Variants in POC1B observed in about 807,000 individuals in gnomAD.
POC1B encodes the protein POC1 centriolar protein homolog B.
In POC1B, 44 loss-of-function variants were observed where a neutral mutation model predicts 60.6. The observed-to-expected ratio is 0.73, with a 90% CI of 0.57 to 0.93. The LOEUF is 0.93. Ranked by LOEUF, POC1B falls within the 40% of genes least tolerant of loss-of-function variation. The pLI is 0.00. For synonymous variants in POC1B, 180 were observed against 198.9 expected (o/e 0.90, Z 0.80); for missense variants, 555 against 572.3 (o/e 0.97, Z 0.31).
At chr12:89,440,718 C>T (rs950971994) in intron 10 of POC1B, among the ~76,000 whole-genome samples, 3 of 152,182 alleles carry the variant, frequency 2.0e-5, no homozygotes, top group African/African-American at 7.2e-5. Flanking sequence ...ACGCAGAAGA[C>T]GGGTGACTTC....
At chr12:89,500,590 A>G (rs1869507760) in intron 2 of POC1B, 7 of 1,603,858 alleles carry the variant, frequency 4.4e-6, no homozygotes, top group Non-Finnish European at 6.0e-6. Context: ...TGGATGCAAA[A>G]ACATCTGTAT....
chr12:89,517,614 C>T (rs10777183), intron 2 of POC1B, among the ~76,000 whole-genome samples: 114,338 of 151,558 alleles, frequency 0.75, 43,205 homozygotes, highest in Middle Eastern at 0.82. Flanking sequence ...GCCTGGGCAA[C>T]AGAGTGAGAC....
intron 10 of POC1B, among the ~76,000 whole-genome samples, chr12:89,444,719 C>G (rs889922593): frequency 6.6e-6 from 1 of 152,186 alleles, no homozygotes; most frequent in African/African-American, 2.4e-5. Flanking sequence ...CCTCTCTCAC[C>G]ACTCCAATTG....
At chr12:89,503,796 C>T (rs1305642556) in intron 2 of POC1B, among the ~76,000 whole-genome samples, 2 of 121,896 alleles carry the variant, frequency 1.6e-5, no homozygotes, top group Admixed American at 7.8e-5. Context: ...GGAGCCCCTC[C>T]GCCCGGCAGC....
At chr12:89,506,134 CG>C (rs983520847) in intron 2 of POC1B, among the ~76,000 whole-genome samples, 1 of 152,214 alleles carries the variant, frequency 6.6e-6, no homozygotes, top group African/African-American at 2.4e-5. Context: ...GGATATACCC[CG>C]CCTGGAGCCC....
intron 10 of POC1B, among the ~76,000 whole-genome samples, chr12:89,446,424 T>A (rs1565900048): frequency 6.6e-6 from 1 of 152,174 alleles, no homozygotes; most frequent in South Asian, 2.1e-4. Flanking sequence ...TATGCAGCCA[T>A]AAAAAGGATG....
intron 2 of POC1B, among the ~76,000 whole-genome samples, chr12:89,506,436 T>C (rs1407883940): frequency 6.6e-6 from 1 of 152,086 alleles, no homozygotes; most frequent in Non-Finnish European, 1.5e-5. Context: ...GTAAACTAGA[T>C]GGGATCACTG....
At chr12:89,506,549 T>C (rs1483044597) in intron 2 of POC1B, among the ~76,000 whole-genome samples, 2 of 152,082 alleles carry the variant, frequency 1.3e-5, no homozygotes, top group South Asian at 2.1e-4. Flanking sequence ...AACAAGGACA[T>C]TGTGGTGTCC....
chr12:89,497,927 A>C (rs1249612954), intron 2 of POC1B, among the ~76,000 whole-genome samples: 2 of 152,158 alleles, frequency 1.3e-5, no homozygotes, highest in Admixed American at 6.6e-5. Flanking sequence ...ACGTAAACCC[A>C]CACACACAAA....
At chr12:89,404,357 C>T in the POC1B span, among the ~76,000 whole-genome samples, 1 of 152,170 alleles carries the variant, frequency 6.6e-6, no homozygotes, top group East Asian at 1.9e-4. Flanking sequence ...TATGAGGAAA[C>T]CCAGCACAAG....
In POC1B at chr12:89,470,417, G is replaced by A. The variant is rs761831640; in HGVS notation, c.754C>T (p.Leu252Phe). The A allele has an allele frequency of 5.6e-6, 9 of 1,605,688 alleles. No individual in the cohort carries two copies. Among genetic ancestry groups the A allele is most frequent in the East Asian group, 2.2e-5 (1 of 44,812 alleles). The part of the protein sequence containing the change: ...YLITASSDGT[L>F]KILDLLEGRL... ...CCTTCTAAGAGGTCCAGAATCTTAA[G>A]GGTACCATCTGAAGAAGCTGTGATG... Residue 252 changes from leucine (L) to phenylalanine (F), a missense_variant, in exon 7 of 12, where the codon CTT becomes TTT. Physicochemically the swap from Leu to Phe is conservative, Grantham distance 22. Coordinates refer to ENST00000313546, the MANE Select transcript of POC1B (RefSeq NM_172240.3).
intron 11 of POC1B, among the ~76,000 whole-genome samples, 162 bp from the exon 12 acceptor site, chr12:89,421,419 C>T (rs1193477349): frequency 6.6e-6 from 1 of 151,884 alleles, no homozygotes; most frequent in East Asian, 1.9e-4. Flanking sequence ...CTTCTGGGCC[C>T]AACCATAGGG....
intron 4 of POC1B, among the ~76,000 whole-genome samples, chr12:89,482,660 A>G (rs115506617): frequency 1.1e-4 from 17 of 152,320 alleles, no homozygotes; most frequent in African/African-American, 3.8e-4. Flanking sequence ...ATAGAATGAC[A>G]TCTTAGTCCA....
chr12:89,492,128 A>T lies in POC1B; in HGVS notation c.273-13T>A. The T allele has an allele frequency of 1.3e-6, 2 of 1,522,788 alleles. No individual in the cohort carries two copies. Among genetic ancestry groups the T allele is most frequent in the Non-Finnish European group, 1.8e-6 (2 of 1,134,604 alleles). 94.3% of individuals were successfully genotyped at this position (1,522,788 alleles called of 1,614,324 possible). A position where few individuals can be genotyped will look rare whatever the true frequency, so the allele number is the denominator to read the frequency against. ...GAATTTTCCTCTCCTGGAAATAAAC[A>T]GTTTAATATTTATAACTCATTTGAT... On this transcript the variant is annotated splice_polypyrimidine_tract_variant and intron_variant, in intron 3 of 11. Coordinates refer to ENST00000313546, the MANE Select transcript of POC1B (RefSeq NM_172240.3).
chr12:89,457,228 G>C (rs1426979201), intron 10 of POC1B, among the ~76,000 whole-genome samples: 1 of 152,164 alleles, frequency 6.6e-6, no homozygotes, highest in Non-Finnish European at 1.5e-5. Flanking sequence ...AATTATGTCT[G>C]ATTTGTTGTG....
the POC1B span, among the ~76,000 whole-genome samples, chr12:89,410,148 A>G: frequency 2.0e-5 from 3 of 152,354 alleles, no homozygotes; most frequent in Admixed American, 1.3e-4. Flanking sequence ...AGGCTGGCTC[A>G]ACATATTCAA....
At chr12:89,478,171 G>A (rs369986066) in intron 4 of POC1B, among the ~76,000 whole-genome samples, 8 of 152,020 alleles carry the variant, frequency 5.3e-5, no homozygotes, top group South Asian at 2.1e-4. Flanking sequence ...GTGCAATGGC[G>A]GGATCTTAGC....
At chr12:89,456,958 G>C (rs1040265010) in intron 10 of POC1B, among the ~76,000 whole-genome samples, 6 of 152,062 alleles carry the variant, frequency 3.9e-5, no homozygotes, top group Non-Finnish European at 7.4e-5. Context: ...TACAAATTAA[G>C]GTTTAAAGAG....
chr12:89,484,731 C>G (rs1007338309), intron 4 of POC1B, among the ~76,000 whole-genome samples: 12 of 152,234 alleles, frequency 7.9e-5, no homozygotes, highest in Non-Finnish European at 1.0e-4. Flanking sequence ...AAACTAATCA[C>G]TGTACTGCAT....
Sources: allele counts gnomAD v4.1 joint callset (sites outside exome capture counted in the v4.1 genomes callset), GRCh38; gene constraint gnomAD v4.1.1; transcripts MANE v1.5; gene names NCBI Gene and HGNC (gene_info 2026-07-23, HGNC 2026-07-21).